Variants in RAB1A observed in about 807,000 individuals in gnomAD.
The protein encoded by RAB1A is RAB1A, member RAS oncogene family.
In RAB1A, 2 loss-of-function variants were observed where a neutral mutation model predicts 26.0. That is an observed-to-expected ratio of 0.08 (90% CI 0.03 to 0.24). The LOEUF (loss-of-function observed/expected upper bound fraction) is 0.24. RAB1A is among the 10% of genes least tolerant of loss of function. The probability of loss-of-function intolerance (pLI) is 1.00; values close to 1 mark genes in which losing one functional copy is unlikely to be tolerated. For synonymous variants in RAB1A, 84 were observed against 84.9 expected (o/e 0.99, Z 0.06); for missense variants, 100 against 247.0 (o/e 0.40, Z 3.99).
At chr2:65,097,104 G>C (rs1309954669) in intron 3 of RAB1A, among the ~76,000 whole-genome samples, 29 of 152,122 alleles carry the variant, frequency 1.9e-4, no homozygotes. Context: ...CCTAATGCAG[G>C]ACTCCTTCCA....
rs143098169 is a variant in RAB1A at position 65,095,420 on chromosome 2, C to T, written c.192+2551G>A. On this transcript the variant is annotated intron_variant, in intron 3 of 5. Coordinates refer to ENST00000409784, the MANE Select transcript of RAB1A (RefSeq NM_004161.5). ...GCTGGGGTGCAATGGTGCAATCTTGCCTCACTGCAGCCTTGAAGTCCTGGG... is the reference window on the plus strand; with the variant it reads ...GCTGGGGTGCAATGGTGCAATCTTGTCTCACTGCAGCCTTGAAGTCCTGGG... Among the ~76,000 whole-genome samples the T allele has an allele frequency of 2.3e-4, 35 of 152,174 alleles. 1 individual carries two copies. In the East Asian group the frequency reaches 6.8e-3, roughly 29 times the overall value.
In RAB1A at chr2:65,087,672, A is replaced by C. The variant is rs1213654476; in HGVS notation, c.*821T>G. On this transcript the variant is annotated 3_prime_UTR_variant, in exon 6 of 6. Coordinates refer to ENST00000409784, the MANE Select transcript of RAB1A (RefSeq NM_004161.5). ...TCCCTGAACCACTGAAGTTGGTTAA[A>C]TCCCTACACAGCACAGAAGCCCCTC... 3 of 152,620 alleles carry C rather than the reference A, an allele frequency of 2.0e-5. No individual in the cohort carries two copies. Among genetic ancestry groups the C allele is most frequent in the Non-Finnish European group, 4.4e-5 (3 of 68,030 alleles). 9.5% of individuals were successfully genotyped at this position (152,620 alleles called of 1,614,324 possible).
intron 1 of RAB1A, among the ~76,000 whole-genome samples, chr2:65,123,735 A>C (rs984613379): frequency 5.9e-5 from 9 of 151,946 alleles, no homozygotes; most frequent in Admixed American, 5.2e-4. Context: ...CTGAGGTGGA[A>C]GAATCACTTA....
rs1168452316 is a variant in RAB1A at position 65,086,958 on chromosome 2, G to GT, written c.*1534dup. On this transcript the variant is annotated 3_prime_UTR_variant, in exon 6 of 6. Coordinates refer to ENST00000409784, the MANE Select transcript of RAB1A (RefSeq NM_004161.5). ...ATCTTACCACTTATTTTTGTACCAT[G>GT]TATTTCAATTGCCTGTTTAGTGAAA... 1.3e-5 allele frequency: 2 copies of GT among 152,432 alleles called. No individual in the cohort carries two copies. The highest frequency in any genetic ancestry group is 4.8e-5 in the African/African-American group (2 of 41,368). The allele number at this position is 152,432 out of a possible 1,614,324, so 9.4% of individuals were successfully genotyped here.
intron 1 of RAB1A, among the ~76,000 whole-genome samples, chr2:65,113,101 A>G (rs1055980617): frequency 3.3e-5 from 5 of 152,196 alleles, no homozygotes; most frequent in Admixed American, 6.5e-5. Context: ...TTTTGCTAAC[A>G]TTAGAATTGT....
chr2:65,102,124 C>A (rs1041457110), intron 2 of RAB1A, among the ~76,000 whole-genome samples: 2 of 152,036 alleles, frequency 1.3e-5, no homozygotes, highest in Non-Finnish European at 2.9e-5. Context: ...ATATTCTTTT[C>A]TTGTTGATGT....
At chr2:65,098,716 G>A (rs768705420) in intron 2 of RAB1A, among the ~76,000 whole-genome samples, 27 of 151,684 alleles carry the variant, frequency 1.8e-4, no homozygotes, top group Middle Eastern at 3.4e-3. Flanking sequence ...CTTTAGATTT[G>A]CCAATTTTGG....
chr2:65,120,779 C>T (rs71424160), intron 1 of RAB1A, among the ~76,000 whole-genome samples: 22 of 152,058 alleles, frequency 1.4e-4, no homozygotes, highest in Non-Finnish European at 2.9e-4. Flanking sequence ...CAGAAAATAT[C>T]TATAAGGAGA....
chr2:65,107,802 C>T (rs1669596153), intron 1 of RAB1A, among the ~76,000 whole-genome samples: 1 of 152,136 alleles, frequency 6.6e-6, no homozygotes, highest in Non-Finnish European at 1.5e-5. Flanking sequence ...CCTGAAGTAT[C>T]ACCTTAAAGA....
intron 1 of RAB1A, among the ~76,000 whole-genome samples, chr2:65,127,472 C>T (rs1670125371): frequency 6.6e-6 from 1 of 152,230 alleles, no homozygotes; most frequent in Non-Finnish European, 1.5e-5. Context: ...TGGCTCACGC[C>T]TGTAATCCCA....
intron 1 of RAB1A, among the ~76,000 whole-genome samples, chr2:65,124,389 T>C (rs926774860): frequency 2.0e-5 from 3 of 151,840 alleles, no homozygotes; most frequent in African/African-American, 7.2e-5. Context: ...CTGCACAACA[T>C]AGGAGGCACA....
At chr2:65,115,214 TA>T (rs1317778347) in intron 1 of RAB1A, among the ~76,000 whole-genome samples, 3 of 152,262 alleles carry the variant, frequency 2.0e-5, no homozygotes, top group Admixed American at 2.0e-4. Flanking sequence ...AATGTTATTT[TA>T]TCTTCTTCTA....
chr2:65,103,301 A>AAAAAAAAAAAAAAAAAAAAAAC (rs1558580223), intron 2 of RAB1A, among the ~76,000 whole-genome samples: 1 of 149,956 alleles, frequency 6.7e-6, no homozygotes, highest in South Asian at 2.1e-4. Flanking sequence ...ATCTGTCTCA[A>AAAAAAAAAAAAAAAAAAAAAAC]AAAAAAAAAA....
chr2:65,118,428 C>T (rs940487524), intron 1 of RAB1A, among the ~76,000 whole-genome samples: 2 of 152,092 alleles, frequency 1.3e-5, no homozygotes, highest in Admixed American at 1.3e-4. Flanking sequence ...AAAAAAAACT[C>T]AACTCTTAAT....
At chr2:65,124,437 G>A (rs1427004746) in intron 1 of RAB1A, among the ~76,000 whole-genome samples, 1 of 151,668 alleles carries the variant, frequency 6.6e-6, no homozygotes, top group Non-Finnish European at 1.5e-5. Flanking sequence ...AATTTCAGTT[G>A]TTATCTTCAT....
intron 1 of RAB1A, among the ~76,000 whole-genome samples, chr2:65,128,423 TTCAACTGTGCAAAA>T (rs1670154322): frequency 6.6e-6 from 1 of 152,304 alleles, no homozygotes; most frequent in South Asian, 2.1e-4. Context: ...TTCACCTCCG[TTCAACTGTGCAAAA>T]CCAACTTTGT....
intron 3 of RAB1A, 127 bp downstream of exon 3, chr2:65,097,844 C>A: frequency 1.9e-6 from 1 of 526,188 alleles, no homozygotes; most frequent in Non-Finnish European, 3.3e-6. Context: ...ACCATTCTAT[C>A]TTAAGTACAT....
At chr2:65,104,364 C>A (rs1669505760) in intron 2 of RAB1A, among the ~76,000 whole-genome samples, 1 of 152,122 alleles carries the variant, frequency 6.6e-6, no homozygotes, top group Non-Finnish European at 1.5e-5. Context: ...CGTCACCTGG[C>A]TCTGCTTTTT....
intron 1 of RAB1A, among the ~76,000 whole-genome samples, chr2:65,109,521 T>C (rs897147127): frequency 1.3e-5 from 2 of 151,474 alleles, no homozygotes; most frequent in Non-Finnish European, 2.9e-5. Context: ...CTGACCAACA[T>C]GGTGAAACCC....
Sources: allele counts gnomAD v4.1 joint callset (sites outside exome capture counted in the v4.1 genomes callset), GRCh38; gene constraint gnomAD v4.1.1; transcripts MANE v1.5; gene names NCBI Gene and HGNC (gene_info 2026-07-23, HGNC 2026-07-21).